Variants in PCDH15 observed in about 807,000 individuals in gnomAD.
The protein encoded by PCDH15 is protocadherin-15.
Under a neutral mutation model 178.5 loss-of-function variants are expected in PCDH15, and 129 were observed. The ratio of observed to expected loss-of-function variants is 0.72; its 90% CI spans 0.63 to 0.84. The LOEUF is 0.84. PCDH15 is among the 40% of genes least tolerant of loss of function. PCDH15 has a pLI of 0.00. For synonymous variants in PCDH15, 800 were observed against 732.0 expected, an observed-to-expected ratio of 1.09 and a Z score of -1.50; for missense variants, 2,230 against 2,099.9, an observed-to-expected ratio of 1.06 and a Z score of -1.21.
At chr10:54,758,541 T>G (rs1347742688) in intron 1 of PCDH15, among the ~76,000 whole-genome samples, 1 of 152,226 alleles carries the variant, frequency 6.6e-6, no homozygotes, top group Non-Finnish European at 1.5e-5. Flanking sequence ...AGCCTCTATA[T>G]ACACAATATG....
intron 2 of PCDH15, among the ~76,000 whole-genome samples, chr10:54,559,271 G>C (rs757858920): frequency 1.3e-5 from 2 of 151,900 alleles, no homozygotes; most frequent in South Asian, 2.1e-4. Context: ...ACTTTGTAAT[G>C]CTCCTGTGAG....
chr10:54,921,335 TTTTTAAC>T (rs1333513321), intron 2 of PCDH15, among the ~76,000 whole-genome samples: 1 of 152,106 alleles, frequency 6.6e-6, no homozygotes, highest in Non-Finnish European at 1.5e-5. Flanking sequence ...TTTTTTTTAC[TTTTTAAC>T]TTTTAAGTTC....
Position 55,155,583 on chromosome 10 carries a change from T to C in PCDH15, c.-80+10993A>G, listed in dbSNP as rs192649098. 2.0e-5 allele frequency among the ~76,000 whole-genome samples: 3 copies of C among 151,908 alleles called. No individual in the cohort carries two copies. The East Asian group carries it at 5.8e-4, about 29-fold the overall frequency. On this transcript the variant is annotated intron_variant, in intron 2 of 5. Coordinates refer to the PCDH15 transcript ENST00000458638. ...AAGTACTTCAGGCTTCAGGCCTCATTTAGGGGCAAAGATAAGTATTTCTTG... is the reference window on the plus strand; with the variant it reads ...AAGTACTTCAGGCTTCAGGCCTCATCTAGGGGCAAAGATAAGTATTTCTTG...
rs560282840 is a variant in PCDH15, at chr10:54,710,347, T to C, written c.-28-46057A>G. Among the ~76,000 whole-genome samples the C allele has an allele frequency of 3.3e-5, 5 of 152,166 alleles. No individual in the cohort carries two copies. In the East Asian group the frequency reaches 9.6e-4, roughly 29 times the overall value. On this transcript the variant is annotated intron_variant, in intron 1 of 37. Coordinates refer to ENST00000644397, the MANE Select transcript of PCDH15 (RefSeq NM_001384140.1). ...GCTGGAAAAGTATTGTGAAGGATAT[T>C]GTTAGTTTCAAAATTAATCATATTT...
intron 1 of PCDH15, among the ~76,000 whole-genome samples, chr10:55,188,621 T>C (rs1839861369): frequency 6.6e-6 from 1 of 151,988 alleles, no homozygotes; most frequent in Non-Finnish European, 1.5e-5. Flanking sequence ...TCTAAAATGA[T>C]CATTTTTCCA....
Position 54,940,782 on chromosome 10 carries a change from T to A in PCDH15, c.-79-43282A>T, listed in dbSNP as rs183467948. ...CCCTCTTATCATTAGAAAGTTTTCA[T>A]CTTTATCTGCGGTAATTAAAAAAAA... On this transcript the variant is annotated intron_variant, in intron 2 of 5. Coordinates refer to the PCDH15 transcript ENST00000458638. Among the ~76,000 whole-genome samples, 57 of 146,218 alleles carry A rather than the reference T, an allele frequency of 3.9e-4. 1 individual carries two copies. The East Asian group carries it at 9.8e-3, about 25-fold the overall frequency.
chr10:54,115,631 T>C (rs758096565), intron 15 of PCDH15, among the ~76,000 whole-genome samples: 4 of 152,222 alleles, frequency 2.6e-5, no homozygotes. Context: ...ATCACATCCA[T>C]AATTTTCCCT....
chr10:54,134,330 C>A (rs1302033205), intron 14 of PCDH15, among the ~76,000 whole-genome samples: 4 of 149,532 alleles, frequency 2.7e-5, no homozygotes, highest in African/African-American at 9.7e-5. Flanking sequence ...GGTATGAGCA[C>A]CACACCTGGC....
At chr10:55,540,498 T>A (rs1422705938) in intron 2 of PCDH15, among the ~76,000 whole-genome samples, 2 of 152,008 alleles carry the variant, frequency 1.3e-5, no homozygotes, top group Non-Finnish European at 2.9e-5. Flanking sequence ...ATCTCAATGA[T>A]CAGGCTTATG....
At chr10:55,548,975 C>T (rs1279983614) in intron 2 of PCDH15, among the ~76,000 whole-genome samples, 1 of 152,070 alleles carries the variant, frequency 6.6e-6, no homozygotes, top group Non-Finnish European at 1.5e-5. Context: ...ACCTGTTTAA[C>T]ACATTTTATT....
At chr10:54,293,379 G>A (rs2059548113) in intron 8 of PCDH15, among the ~76,000 whole-genome samples, 1 of 152,100 alleles carries the variant, frequency 6.6e-6, no homozygotes, top group South Asian at 2.1e-4. Context: ...GGAAAACCTA[G>A]GCAATACCAT....
intron 9 of PCDH15, among the ~76,000 whole-genome samples, chr10:54,224,255 A>G (rs973485612): frequency 4.6e-5 from 7 of 152,182 alleles, no homozygotes; most frequent in African/African-American, 1.7e-4. Flanking sequence ...TGGTAGAACA[A>G]AAACAATTAT....
At chr10:55,233,977 C>T (rs1248768910) in intron 1 of PCDH15, among the ~76,000 whole-genome samples, 1 of 152,032 alleles carries the variant, frequency 6.6e-6, no homozygotes, top group South Asian at 2.1e-4. Flanking sequence ...AACACAAAAG[C>T]TCAGTCTCAC....
Position 54,948,451 on chromosome 10 carries a change from A to G in PCDH15, c.-79-50951T>C, listed in dbSNP as rs573501606. ...TCTGTGTAACTTGACAGAGCTAAGG[A>G]ATATCCAGGACAGCTAATGAGACAT... On this transcript the variant is annotated intron_variant, in intron 2 of 5. Coordinates refer to the PCDH15 transcript ENST00000458638. 8.0e-4 allele frequency among the ~76,000 whole-genome samples: 121 copies of G among 152,094 alleles called. No homozygotes were observed. The South Asian group carries it at 9.3e-3, about 12-fold the overall frequency.
intron 15 of PCDH15, among the ~76,000 whole-genome samples, chr10:54,131,957 C>T (rs970590477): frequency 1.3e-5 from 2 of 152,048 alleles, no homozygotes; most frequent in Admixed American, 6.6e-5. Flanking sequence ...TGTAGCTGTG[C>T]CTTATGTCAC....
At chr10:55,186,129 A>G (rs1041146025) in intron 1 of PCDH15, among the ~76,000 whole-genome samples, 18 of 151,610 alleles carry the variant, frequency 1.2e-4, no homozygotes, top group African/African-American at 4.1e-4. Context: ...GAGTAAATAA[A>G]TTAAAATTTA....
chr10:54,700,267 G>A (rs1383999391), intron 1 of PCDH15, among the ~76,000 whole-genome samples: 2 of 152,104 alleles, frequency 1.3e-5, no homozygotes, highest in Non-Finnish European at 2.9e-5. Flanking sequence ...ACACAGATTA[G>A]AATGTACCAG....
In PCDH15 at chr10:54,769,430, G is replaced by A. The variant is rs1591536797; in HGVS notation, c.-29+31495C>T. 2.0e-5 allele frequency among the ~76,000 whole-genome samples: 3 copies of A among 150,812 alleles called. No individual in the cohort carries two copies. The East Asian group carries it at 5.9e-4, about 29-fold the overall frequency. The stretch of plus-strand genomic sequence containing the variant: ...AAACACTTGCAGGGATGTTTCTCAG[G>A]AACATCCTGAGATTTTTTTTTTTTT... On this transcript the variant is annotated intron_variant, in intron 1 of 37. Transcript: ENST00000644397.
intron 2 of PCDH15, among the ~76,000 whole-genome samples, chr10:54,562,918 G>C (rs1449167638): frequency 6.6e-6 from 1 of 152,028 alleles, no homozygotes; most frequent in Admixed American, 6.6e-5. Context: ...CTGTCTCTAT[G>C]AATTTCAGTA....
Sources: allele counts gnomAD v4.1 joint callset (sites outside exome capture counted in the v4.1 genomes callset), GRCh38; gene constraint gnomAD v4.1.1; transcripts MANE v1.5; gene names NCBI Gene and HGNC (gene_info 2026-07-23, HGNC 2026-07-21).